The following SREK1 variants were observed in gnomAD, a reference collection of about 807,000 sequenced individuals.
SREK1 encodes splicing regulatory glutamine/lysine-rich protein 1.
A neutral mutation model predicts 66.5 loss-of-function variants in SREK1; 13 were observed. The ratio of observed to expected loss-of-function variants is 0.20; its 90% confidence interval spans 0.13 to 0.31. The LOEUF is 0.31. SREK1 is among the 10% of genes least tolerant of loss of function. The pLI is 1.00. For synonymous variants in SREK1, 265 were observed against 263.5 expected, an observed-to-expected ratio of 1.01 and a Z score of -0.05; for missense variants, 607 against 769.6, an observed-to-expected ratio of 0.79 and a Z score of 2.50.
chr5:66,162,648 TG>T, intron 5 of SREK1, 56 bp downstream of exon 5: 2 of 1,506,400 alleles, frequency 1.3e-6, no homozygotes, highest in Non-Finnish European at 1.8e-6. Context: ...AAAGTATTTT[TG>T]ATGTAATGAA....
rs557507525 is a variant in SREK1, at chr5:66,181,277, G to C, written c.*2409G>C. 6.6e-6 allele frequency: 1 copy of C among 152,310 alleles called. No homozygotes were observed. Among genetic ancestry groups the C allele is most frequent in the South Asian group, 2.1e-4 (1 of 4,826 alleles). 9.4% of individuals were successfully genotyped at this position (152,310 alleles called of 1,614,324 possible). A position where few individuals can be genotyped will look rare whatever the true frequency, so the allele number is the denominator to read the frequency against. ...GAAGCAAGGCATTCTAGGGTCTAGA[G>C]GGATGTGTGTGTGTGCTTGTGTGTC... On this transcript the variant is annotated 3_prime_UTR_variant, in exon 12 of 12. Transcript: ENST00000334121.
chr5:66,170,453 A>G (rs1580666588), intron 8 of SREK1, 132 bp from the exon 9 acceptor site: 3 of 1,240,564 alleles, frequency 2.4e-6, no homozygotes, highest in East Asian at 2.3e-5. Flanking sequence ...CCTGAGCTAT[A>G]TAAAAATGTA....
At chr5:66,177,282 AT>A in intron 10 of SREK1, 1 of 368,810 alleles carries the variant, frequency 2.7e-6, no homozygotes, top group Non-Finnish European at 4.8e-6. Context: ...ATGAGAACAT[AT>A]GGTGGCCTCT....
rs544134881 is a variant in SREK1, at chr5:66,178,895, A to G, written c.*27A>G. ...ACCGACAAGTGTACCTCTGCACTCA[A>G]TGCTGGAATCAAATCCAAAGCTTTT... On this transcript the variant is annotated 3_prime_UTR_variant, in exon 12 of 12. Transcript: ENST00000334121. 9.1e-6 allele frequency: 14 copies of G among 1,542,352 alleles called. No individual in the cohort carries two copies. Among genetic ancestry groups the G allele is most frequent in the South Asian group, 7.6e-5 (6 of 78,654 alleles).
At chr5:66,176,296 T>G (rs992349530) in intron 10 of SREK1, among the ~76,000 whole-genome samples, 5 of 152,188 alleles carry the variant, frequency 3.3e-5, no homozygotes, top group Non-Finnish European at 7.4e-5. Flanking sequence ...TGGCCGTTCA[T>G]GTGCCAGTGT....
chr5:66,172,490 G>A (rs1745723834), intron 9 of SREK1, among the ~76,000 whole-genome samples: 1 of 152,018 alleles, frequency 6.6e-6, no homozygotes, highest in South Asian at 2.1e-4. Context: ...CCCCCTCCTC[G>A]GTTCACGTGA....
At chr5:66,177,798 T>TTA in intron 11 of SREK1, 140 bp downstream of exon 11, 1 of 645,960 alleles carries the variant, frequency 1.5e-6, no homozygotes, top group Non-Finnish European at 2.3e-6. Flanking sequence ...TTAAAATATT[T>TTA]AATTGGTAAT....
intron 11 of SREK1, among the ~76,000 whole-genome samples, chr5:66,178,009 A>G (rs1437884811): frequency 6.6e-6 from 1 of 152,062 alleles, no homozygotes; most frequent in East Asian, 1.9e-4. Flanking sequence ...TGTGTAGTTA[A>G]CATTAGGTTT....
chr5:66,178,632 G>A (rs1746261130), intron 11 of SREK1, 87 bp from the exon 12 acceptor site: 5 of 1,320,784 alleles, frequency 3.8e-6, no homozygotes, highest in Non-Finnish European at 5.1e-6. Context: ...TTTTAAATTT[G>A]CAAAAGATAA....
At chr5:66,157,199 G>A in intron 2 of SREK1, 1 of 979,966 alleles carries the variant, frequency 1.0e-6, no homozygotes, top group Non-Finnish European at 1.2e-6. Context: ...ATTTATAGTA[G>A]TATACTCTTT....
At chr5:66,162,636 T>G in intron 5 of SREK1, 44 bp downstream of exon 5, 2 of 1,531,270 alleles carry the variant, frequency 1.3e-6, no homozygotes, top group Middle Eastern at 1.8e-4. Context: ...TTTGAAACAT[T>G]TAAAGTATTT....
chr5:66,176,629 AGG>A (rs1746076451), intron 10 of SREK1, among the ~76,000 whole-genome samples: 1 of 152,146 alleles, frequency 6.6e-6, no homozygotes, highest in African/African-American at 2.4e-5. Flanking sequence ...GCTGTAGACA[AGG>A]AATGTGGTAT....
In SREK1 at chr5:66,178,846, C is replaced by T. The variant is rs899115259; in HGVS notation, c.1853C>T (p.Ser618Phe). ...GNCQLNEENL[S>F]TKTEAV ...TGTCAGCTGAATGAAGAAAACCTCT[C>T]TACCAAAACAGAAGCAGTATAGGAC... Residue 618 changes from serine to phenylalanine, a missense_variant, in exon 12 of 12, where the codon TCT becomes TTT. Transcript: ENST00000334121. 5 of 1,612,192 alleles carry T rather than the reference C, an allele frequency of 3.1e-6. No individual in the cohort carries two copies. Among genetic ancestry groups the T allele is most frequent in the South Asian group, 1.1e-5 (1 of 90,958 alleles).
chr5:66,164,175 C>A, intron 6 of SREK1: 1 of 385,818 alleles, frequency 2.6e-6, no homozygotes, highest in East Asian at 5.1e-5. Context: ...AATCAGTGCT[C>A]ACAAGTGATT....
chr5:66,158,880 A>G, intron 2 of SREK1: 1 of 1,294,262 alleles, frequency 7.7e-7, no homozygotes, highest in Non-Finnish European at 1.0e-6. Flanking sequence ...CGTCCTGGGA[A>G]AGCGTCCATG....
intron 9 of SREK1, among the ~76,000 whole-genome samples, chr5:66,172,824 A>ATTTTTT (rs762670649): frequency 3.4e-5 from 4 of 118,222 alleles, no homozygotes; most frequent in Non-Finnish European, 5.1e-5. Context: ...ATTTCTTTGA[A>ATTTTTT]TTTTTTTTTT....
intron 1 of SREK1, among the ~76,000 whole-genome samples, chr5:66,147,792 TAATA>T (rs1353447259): frequency 1.3e-5 from 2 of 152,230 alleles, no homozygotes; most frequent in Non-Finnish European, 2.9e-5. Flanking sequence ...TCACATGCGT[TAATA>T]AATATTGGAC....
rs1746456150 is a variant in SREK1, at chr5:66,181,218, T to C, written c.*2350T>C. 1 of 152,220 alleles carries C rather than the reference T, an allele frequency of 6.6e-6. No homozygotes were observed. The highest frequency in any genetic ancestry group is 2.1e-4 in the South Asian group (1 of 4,836). 9.4% of individuals were successfully genotyped at this position (152,220 alleles called of 1,614,324 possible). A position where few individuals can be genotyped will look rare whatever the true frequency, so the allele number is the denominator to read the frequency against. ...TCTGGAGGAACAAATCAGATTGTTA[T>C]TAGGGTTTGACTTTTTTTTTACATG... On this transcript the variant is annotated 3_prime_UTR_variant, in exon 12 of 12. Transcript: ENST00000334121.
intron 2 of SREK1, 73 bp downstream of exon 2, chr5:66,153,669 A>G: frequency 6.3e-7 from 1 of 1,591,158 alleles, no homozygotes; most frequent in South Asian, 1.1e-5. Flanking sequence ...TTTCCTAGAG[A>G]TTGGCAAGTA....
Sources: allele counts gnomAD v4.1 joint callset (sites outside exome capture counted in the v4.1 genomes callset), GRCh38; gene constraint gnomAD v4.1.1; transcripts MANE v1.5; gene names NCBI Gene and HGNC (gene_info 2026-07-23, HGNC 2026-07-21).